The following MED12L variants were observed in gnomAD, a reference collection of about 807,000 sequenced individuals.
MED12L encodes mediator of RNA polymerase II transcription subunit 12-like protein.
A neutral mutation model predicts 281.3 loss-of-function variants in MED12L; 60 were observed. The ratio of observed to expected loss-of-function variants is 0.21; its 90% CI spans 0.17 to 0.26. The LOEUF is 0.26. Ranked by LOEUF, MED12L falls within the 10% of genes least tolerant of loss-of-function variation. The pLI, the probability that MED12L is intolerant of heterozygous loss-of-function variation, is 1.00. For synonymous variants in MED12L, 974 were observed against 987.2 expected (o/e 0.99, Z 0.25); for missense variants, 2,146 against 2,680.9 (o/e 0.80, Z 4.41).
At position 151,323,901 on chromosome 3, in the gene MED12L, C is replaced by T. The variant is rs143069951; in HGVS notation, c.2251-26158C>T. On this transcript the variant is annotated intron_variant, in intron 16 of 44. Transcript: ENST00000687756. Reference sequence around the variant, plus strand: ...GAAGTAATTGTAGGTGCCACTATTGCACCATTCATACCCCTGAGGTTGTTG... The same window carrying T: ...GAAGTAATTGTAGGTGCCACTATTGTACCATTCATACCCCTGAGGTTGTTG... Among the ~76,000 whole-genome samples the T allele has an allele frequency of 1.1e-4, 17 of 152,354 alleles. No individual in the cohort carries two copies. In the East Asian group the frequency reaches 3.3e-3, roughly 29 times the overall value.
At chr3:151,123,116 C>G (rs1000846625) in intron 4 of MED12L, 142 bp downstream of exon 4, 3 of 647,574 alleles carry the variant, frequency 4.6e-6, no homozygotes, top group Non-Finnish European at 7.7e-6. Context: ...GTGGGTGTTA[C>G]TCCATGCTGT....
At chr3:151,429,162 C>G (rs368949893) in intron 43 of MED12L, among the ~76,000 whole-genome samples, 1 of 152,186 alleles carries the variant, frequency 6.6e-6, no homozygotes, top group South Asian at 2.1e-4. Flanking sequence ...GCAACCTTCC[C>G]GGTGTGGGGC....
At chr3:151,392,342 T>A (rs113726051) in intron 38 of MED12L, among the ~76,000 whole-genome samples, 1 of 151,548 alleles carries the variant, frequency 6.6e-6, no homozygotes, top group Non-Finnish European at 1.5e-5. Context: ...TGGTGGTGCC[T>A]GAAATCCCAG....
rs1377107285 is a variant in MED12L at position 151,369,444 on chromosome 3, T to C, written c.3559T>C (p.Phe1187Leu). 1.2e-6 allele frequency: 2 copies of C among 1,601,876 alleles called. No individual in the cohort carries two copies. Among genetic ancestry groups the C allele is most frequent in the Admixed American group, 3.5e-5 (2 of 57,700 alleles). The change falls in exon 26 of 45, where the codon TTC becomes CTC. Residue 1187 changes from phenylalanine (F) to leucine (L), a missense_variant. By Grantham distance (22) the Phe-to-Leu change is conservative. Transcript: ENST00000687756. Reference protein sequence around the residue: ...CFLPQATGKPFPGIRSSCDRH... With the variant: ...CFLPQATGKPLPGIRSSCDRH... The stretch of plus-strand genomic sequence containing the variant: ...ATTTGTTGTTTTTGTAGGCAAACCT[T>C]TCCCTGGAATAAGATCATCTTGTGA...
intron 11 of MED12L, among the ~76,000 whole-genome samples, chr3:151,173,850 T>A (rs1721726218): frequency 6.6e-6 from 1 of 152,242 alleles, no homozygotes; most frequent in Non-Finnish European, 1.5e-5. Context: ...GGTTGTCAAG[T>A]GAGTAGAACA....
chr3:151,104,664 A>C (rs755630788), intron 2 of MED12L, among the ~76,000 whole-genome samples: 17 of 152,158 alleles, frequency 1.1e-4, no homozygotes, highest in Non-Finnish European at 2.2e-4. Context: ...GGGCTGCTGT[A>C]ATGAAGTACC....
chr3:151,432,889 G>T lies in MED12L; in HGVS notation c.*85G>T. The T allele has an allele frequency of 2.0e-6, 2 of 978,736 alleles. No homozygotes were observed. The highest frequency in any genetic ancestry group is 2.8e-5 in the East Asian group (1 of 35,506). 60.6% of individuals were successfully genotyped at this position (978,736 alleles called of 1,614,324 possible). ...TTAATGCATTAGTCATCTTAAAAAT[G>T]TCCCTTTTTTTCATTTCTTTGACAT... On this transcript the variant is annotated 3_prime_UTR_variant, in exon 45 of 45. Coordinates refer to ENST00000687756, the MANE Select transcript of MED12L (RefSeq NM_001393769.1).
chr3:151,114,333 C>T (rs888498218), intron 2 of MED12L, among the ~76,000 whole-genome samples: 12 of 152,150 alleles, frequency 7.9e-5, no homozygotes, highest in Non-Finnish European at 1.5e-4. Context: ...TTTGAAAACC[C>T]GCCAAAACAG....
At position 151,087,006 on chromosome 3, in the gene MED12L, A is replaced by T; in HGVS notation, c.80A>T (p.Gln27Leu). ...PRLGPPDVYP[Q>L]DPKQKEDELT... ...CTCGGGCCGCCCGACGTCTACCCAC[A>T]GGACCCCAAGCAGAAGGAGGTAAGG... The change falls in exon 2 of 45, where the codon CAG becomes CTG. Residue 27 changes from glutamine to leucine, a missense_variant. Around this residue, in one of 9 missense-constraint regions of MED12L, gnomAD observed 44 missense variants for 39.7 expected, o/e 1.11. Coordinates refer to ENST00000687756, the MANE Select transcript of MED12L (RefSeq NM_001393769.1). The T allele has an allele frequency of 6.2e-7, 1 of 1,609,628 alleles. No individual in the cohort carries two copies. The highest frequency in any genetic ancestry group is 8.5e-7 in the Non-Finnish European group (1 of 1,178,740).
intron 21 of MED12L, among the ~76,000 whole-genome samples, chr3:151,362,217 A>G (rs543890809): frequency 6.6e-6 from 1 of 151,848 alleles, no homozygotes; most frequent in Non-Finnish European, 1.5e-5. Flanking sequence ...TCTAAAACAC[A>G]TTTTCAACAT....
chr3:151,193,261 G>A (rs772058162), intron 15 of MED12L, among the ~76,000 whole-genome samples: 4 of 152,132 alleles, frequency 2.6e-5, no homozygotes, highest in Non-Finnish European at 4.4e-5. Flanking sequence ...TCTTATGTGT[G>A]TGGTTGTCAT....
In MED12L at chr3:151,381,651, A is replaced by G. The variant is rs151277278; in HGVS notation, c.4591-1005A>G. On this transcript the variant is annotated intron_variant, in intron 32 of 44. Transcript: ENST00000687756. Reference sequence around the variant, plus strand: ...CTTCGGGAGGCCTTTGATCACCTCTAAAAATAGGACCACAGCCATTCTGTA... The same window carrying G: ...CTTCGGGAGGCCTTTGATCACCTCTGAAAATAGGACCACAGCCATTCTGTA... Among the ~76,000 whole-genome samples, 216 of 152,314 alleles carry G rather than the reference A, an allele frequency of 1.4e-3. 3 individuals carry two copies. The highest frequency in any genetic ancestry group is 4.7e-3 in the African/African-American group (196 of 41,566).
intron 16 of MED12L, chr3:151,337,976 A>G: frequency 6.2e-7 from 1 of 1,614,156 alleles, no homozygotes; most frequent in Non-Finnish European, 8.5e-7. Context: ...CCAGGCATGC[A>G]TTTAAGGAAG....
chr3:151,431,193 C>T (rs1341322301), intron 44 of MED12L, among the ~76,000 whole-genome samples: 1 of 152,154 alleles, frequency 6.6e-6, no homozygotes, highest in Non-Finnish European at 1.5e-5. Flanking sequence ...GTAGTTTTTC[C>T]ATCCGTGCAA....
intron 16 of MED12L, among the ~76,000 whole-genome samples, chr3:151,252,945 T>C (rs957672506): frequency 4.6e-5 from 7 of 152,120 alleles, no homozygotes; most frequent in African/African-American, 1.7e-4. Context: ...TAAAATGACA[T>C]AGGGAATGTG....
At position 151,376,726 on chromosome 3, in the gene MED12L, G is replaced by A. The variant is rs751820070; in HGVS notation, c.4054-74G>A. On this transcript the variant is annotated intron_variant, in intron 28 of 44. Transcript: ENST00000687756. ...TTATTCTGCTCTTTCTTGAGAGAAG[G>A]AGTACTGTAAGAAATTACTGTATTT... 43 of 1,180,874 alleles carry A rather than the reference G, an allele frequency of 3.6e-5. 1 individual carries two copies. The highest frequency in any genetic ancestry group is 5.3e-5 in the Non-Finnish European group (42 of 794,238). 73.1% of individuals were successfully genotyped at this position (1,180,874 alleles called of 1,614,324 possible).
chr3:151,198,417 A>C, intron 16 of MED12L: 7 of 1,581,524 alleles, frequency 4.4e-6, no homozygotes, highest in Non-Finnish European at 6.0e-6. Context: ...AGCACAAAAA[A>C]TCCTGTCTTT....
intron 25 of MED12L, among the ~76,000 whole-genome samples, chr3:151,368,648 TCA>T (rs1438345691): frequency 5.3e-4 from 34 of 64,526 alleles, no homozygotes; most frequent in African/African-American, 2.0e-3. Flanking sequence ...TCATTTCATT[TCA>T]TTTCATTTCA....
intron 16 of MED12L, among the ~76,000 whole-genome samples, chr3:151,233,733 C>T (rs1732179273): frequency 6.6e-6 from 1 of 152,072 alleles, no homozygotes; most frequent in Admixed American, 6.5e-5. Flanking sequence ...AACTCCGTCT[C>T]AAAAAAACAA....
Sources: allele counts gnomAD v4.1 joint callset (sites outside exome capture counted in the v4.1 genomes callset), GRCh38; gene constraint gnomAD v4.1.1; regional missense constraint gnomAD v4.1.1; transcripts MANE v1.5; gene names NCBI Gene and HGNC (gene_info 2026-07-23, HGNC 2026-07-21).